LIPM: variants seen among roughly 807,000 people sequenced by gnomAD.
LIPM encodes the protein lipase family member M.
LIPM carries 42 observed loss-of-function variants against 42.4 expected under a neutral mutation model. The observed-to-expected ratio is 0.99, with a 90% CI of 0.77 to 1.28. The LOEUF (loss-of-function observed/expected upper bound fraction) is 1.28. Ranked by LOEUF, LIPM falls within the 50% of genes most tolerant of loss-of-function variation. The probability of loss-of-function intolerance (pLI) is 0.00; values close to 1 mark genes in which losing one functional copy is unlikely to be tolerated. For synonymous variants in LIPM, 177 were observed against 173.3 expected, an observed-to-expected ratio of 1.02 and a Z score of -0.17; for missense variants, 524 against 520.1, an observed-to-expected ratio of 1.01 and a Z score of -0.07.
At chr10:88,803,334 A>G (rs1218667163) in intron 1 of LIPM, among the ~76,000 whole-genome samples, 1 of 152,220 alleles carries the variant, frequency 6.6e-6, no homozygotes, top group East Asian at 1.9e-4. Context: ...GAAGTAATTA[A>G]GGCCTTTTAA....
intron 2 of LIPM, among the ~76,000 whole-genome samples, chr10:88,809,823 A>T (rs1010226898): frequency 4.6e-5 from 7 of 151,980 alleles, no homozygotes; most frequent in African/African-American, 1.7e-4. Flanking sequence ...CGCCTTATAC[A>T]TGTCTAGCGT....
At chr10:88,809,478 G>A (rs1843628093) in intron 2 of LIPM, among the ~76,000 whole-genome samples, 1 of 152,088 alleles carries the variant, frequency 6.6e-6, no homozygotes, top group African/African-American at 2.4e-5. Context: ...ATAATTTCTT[G>A]TGTTATTTTG....
rs540001848 is a variant in LIPM, at chr10:88,817,862, G to A, written c.968G>A (p.Gly323Glu). The part of the protein sequence containing the change: ...NSGELRAFDW[G>E]SETKNLEKCN... Reference sequence around the variant, plus strand: ...GGTGAACTCCGGGCATTTGACTGGGGGAGTGAGACCAAAAATCTGGAAAAA... The same window carrying A: ...GGTGAACTCCGGGCATTTGACTGGGAGAGTGAGACCAAAAATCTGGAAAAA... The change falls in exon 8 of 9, where the codon GGG (glycine) becomes GAG (glutamate). Residue 323 changes from glycine to glutamate, a missense_variant. Gly to Glu is a moderately conservative substitution (Grantham distance 98, BLOSUM62 -2). Transcript: ENST00000404743. 1 of 1,551,224 alleles carries A rather than the reference G, an allele frequency of 6.4e-7. No individual in the cohort carries two copies. Among genetic ancestry groups the A allele is most frequent in the Non-Finnish European group, 8.7e-7 (1 of 1,146,808 alleles).
At chr10:88,809,784 C>CTT (rs35806035) in intron 2 of LIPM, among the ~76,000 whole-genome samples, 1 of 151,650 alleles carries the variant, frequency 6.6e-6, no homozygotes, top group Admixed American at 6.6e-5. Flanking sequence ...TTGAAACCAC[C>CTT]TTTTTTTTTC....
rs535896941 is a variant in LIPM at position 88,803,044 on chromosome 10, G to T, written c.147+1G>T. 3.9e-6 allele frequency: 6 copies of T among 1,549,894 alleles called. No individual in the cohort carries two copies. Among genetic ancestry groups the T allele is most frequent in the South Asian group, 2.4e-5 (2 of 83,578 alleles). On this transcript the variant is annotated splice_donor_variant, in intron 1 of 8. Transcript: ENST00000404743. LOFTEE classifies it high-confidence loss of function. ...GGACCCAGAAGCATTCATGAATATTGTAAGTTGGGATTTCTGGGAAATGAG... is the reference window on the plus strand; with the variant it reads ...GGACCCAGAAGCATTCATGAATATTTTAAGTTGGGATTTCTGGGAAATGAG...
rs370137002 is a variant in LIPM, at chr10:88,819,031, G to A, written c.1002+1135G>A. Among the ~76,000 whole-genome samples, 99 of 151,768 alleles carry A rather than the reference G, an allele frequency of 6.5e-4. 3 individuals are homozygous for A. In the South Asian group the frequency reaches 0.019, roughly 28 times the overall value. Reference sequence around the variant, plus strand: ...GCCTCCCGAGTAGCTGGGACTACAGGTGCACGCCACCATGCTCAGCTAATT... The same window carrying A: ...GCCTCCCGAGTAGCTGGGACTACAGATGCACGCCACCATGCTCAGCTAATT... On this transcript the variant is annotated intron_variant, in intron 8 of 8. Coordinates refer to ENST00000404743, the MANE Select transcript of LIPM (RefSeq NM_001128215.1).
intron 6 of LIPM, among the ~76,000 whole-genome samples, chr10:88,816,002 T>C (rs1227306153): frequency 6.6e-6 from 1 of 152,102 alleles, no homozygotes; most frequent in Non-Finnish European, 1.5e-5. Flanking sequence ...GGATAATACC[T>C]AGAGAAGGAA....
intron 8 of LIPM, 63 bp from the exon 9 acceptor site, chr10:88,820,169 C>T (rs1843769881): frequency 7.4e-7 from 1 of 1,342,774 alleles, no homozygotes; most frequent in East Asian, 2.5e-5. Flanking sequence ...CTATTTGAAA[C>T]ATAAATTATG....
rs1045815250 is a variant in LIPM, at chr10:88,815,001, T to C, written c.575-87T>C. The C allele has an allele frequency of 1.2e-5, 14 of 1,206,482 alleles. 1 individual carries two copies. The Admixed American group carries it at 2.4e-4, about 21-fold the overall frequency. 74.7% of individuals were successfully genotyped at this position (1,206,482 alleles called of 1,614,324 possible). A position where few individuals can be genotyped will look rare whatever the true frequency, so the allele number is the denominator to read the frequency against. The stretch of plus-strand genomic sequence containing the variant: ...TAAGATGCAGTCACATATATACTTA[T>C]TGAAATATGTATTTAAAAGCAAAAT... On this transcript the variant is annotated intron_variant, in intron 4 of 8. Coordinates refer to ENST00000404743, the MANE Select transcript of LIPM (RefSeq NM_001128215.1).
intron 6 of LIPM, 50 bp downstream of exon 6, chr10:88,815,553 TC>T: frequency 6.6e-7 from 1 of 1,507,786 alleles, no homozygotes; most frequent in Non-Finnish European, 9.0e-7. Context: ...AAGCTGGGAG[TC>T]ATATGGCTCA....
intron 4 of LIPM, 94 bp from the exon 5 acceptor site, chr10:88,814,994 A>T: frequency 8.8e-7 from 1 of 1,138,650 alleles, no homozygotes; most frequent in Admixed American, 2.7e-5. Flanking sequence ...AGTCACATAT[A>T]TACTTATTGA....
chr10:88,806,963 A>G (rs1353564264), intron 1 of LIPM, among the ~76,000 whole-genome samples: 1 of 152,146 alleles, frequency 6.6e-6, no homozygotes, highest in African/African-American at 2.4e-5. Flanking sequence ...TGCTGGGATT[A>G]CAGGTGTGAG....
At chr10:88,806,560 C>A (rs988759538) in intron 1 of LIPM, among the ~76,000 whole-genome samples, 1 of 152,188 alleles carries the variant, frequency 6.6e-6, no homozygotes, top group African/African-American at 2.4e-5. Flanking sequence ...TGCCTGGGAA[C>A]TTGTATATCA....
At chr10:88,816,251 T>G (rs996063366) in intron 6 of LIPM, among the ~76,000 whole-genome samples, 20 of 152,186 alleles carry the variant, frequency 1.3e-4, no homozygotes, top group African/African-American at 4.6e-4. Flanking sequence ...CAAAGCAGAC[T>G]GAGAGTGGAG....
intron 2 of LIPM, among the ~76,000 whole-genome samples, chr10:88,808,868 C>A (rs1212073198): frequency 6.6e-6 from 1 of 151,896 alleles, no homozygotes; most frequent in Non-Finnish European, 1.5e-5. Flanking sequence ...TGTTGCCTAG[C>A]TTTTTACTAA....
chr10:88,803,153 A>T, intron 1 of LIPM, 110 bp downstream of exon 1: 1 of 1,226,856 alleles, frequency 8.2e-7, no homozygotes, highest in African/African-American at 1.6e-5. Flanking sequence ...ATACTAGAAG[A>T]GCATAGTGAT....
intron 4 of LIPM, 22 bp from the exon 5 acceptor site, chr10:88,815,066 T>G (rs762308964): frequency 9.2e-6 from 14 of 1,519,468 alleles, no homozygotes; most frequent in African/African-American, 1.4e-5. Context: ...GTATTCATGT[T>G]GACATATTTC....
At chr10:88,811,485 G>A (rs1843655892) in intron 2 of LIPM, among the ~76,000 whole-genome samples, 2 of 152,076 alleles carry the variant, frequency 1.3e-5, no homozygotes, top group South Asian at 4.1e-4. Context: ...ACTCCTAATA[G>A]GGCAGCACCT....
At chr10:88,803,690 A>T (rs1348529444) in intron 1 of LIPM, among the ~76,000 whole-genome samples, 1 of 146,676 alleles carries the variant, frequency 6.8e-6, no homozygotes, top group Non-Finnish European at 1.5e-5. Flanking sequence ...ACCCTATGGT[A>T]ACACTTATCC....
Sources: allele counts gnomAD v4.1 joint callset (sites outside exome capture counted in the v4.1 genomes callset), GRCh38; gene constraint gnomAD v4.1.1; transcripts MANE v1.5; gene names NCBI Gene and HGNC (gene_info 2026-07-23, HGNC 2026-07-21).